The following MBD6 variants were observed in gnomAD, a reference collection of about 807,000 sequenced individuals.
The protein encoded by MBD6 is methyl-CpG binding domain protein 6.
In MBD6, 22 loss-of-function variants were observed where a neutral mutation model predicts 66.8. The ratio of observed to expected loss-of-function variants is 0.33; its 90% CI spans 0.24 to 0.47. MBD6 has a LOEUF of 0.47. Ranked by LOEUF, MBD6 falls within the 20% of genes least tolerant of loss-of-function variation. The pLI is 1.00. For missense variants in MBD6, 1,322 were observed against 1,286.9 expected (o/e 1.03, Z -0.42); for synonymous variants, 540 against 534.6 (o/e 1.01, Z -0.14).
At chr12:57,525,313 C>G in intron 5 of MBD6, 35 bp from the exon 6 acceptor site, 1 of 1,535,240 alleles carries the variant, frequency 6.5e-7, no homozygotes, top group Non-Finnish European at 8.7e-7. Context: ...GGAAGGGGAG[C>G]CACAGGCTGA....
Position 57,524,353 on chromosome 12 carries a change from T to G in MBD6, c.50T>G (p.Val17Gly). The G allele has an allele frequency of 6.3e-7, 1 of 1,596,118 alleles. No homozygotes were observed. Among genetic ancestry groups the G allele is most frequent in the Non-Finnish European group, 8.5e-7 (1 of 1,171,452 alleles). The change falls in exon 3 of 13, where the codon GTG becomes GGG. Residue 17 changes from valine (V) to glycine (G), a missense_variant. Coordinates refer to ENST00000355673, the MANE Select transcript of MBD6 (RefSeq NM_052897.4). ...GGAGCAGACAGAGCTGGGGGCCCTG[T>G]GGCCACATCTGTCCCCATCGGCTGG... is the stretch of plus-strand genomic sequence containing the variant. The part of the protein sequence containing the change: ...SSGADRAGGP[V>G]ATSVPIGWQR...
rs746902298 is a variant in MBD6, at chr12:57,527,840, C to T, written c.2237-8C>T. ...AGGGAGAGACCCCTGACTATAATTT[C>T]TCAACAGGTGACCTGTCTTCACTGA... On this transcript the variant is annotated splice_region_variant and splice_polypyrimidine_tract_variant and intron_variant, in intron 8 of 12. Transcript: ENST00000355673. 8.7e-6 allele frequency: 14 copies of T among 1,612,698 alleles called. No individual in the cohort carries two copies. Among genetic ancestry groups the T allele is most frequent in the Non-Finnish European group, 2.5e-6 (3 of 1,179,814 alleles).
At position 57,527,025 on chromosome 12, in the gene MBD6, C is replaced by T. The variant is rs1408088855; in HGVS notation, c.1880C>T (p.Pro627Leu). ...PPSNLLASFLPLLALGPTAGD... is the reference protein window; with the variant it reads ...PPSNLLASFLLLLALGPTAGD... ...AGCAACCTCCTTGCCTCTTTCCTGC[C>T]CCTGTTGGCTCTGGGCCCCACAGCT... is the stretch of plus-strand genomic sequence containing the variant. Residue 627 changes from proline (P) to leucine (L), a missense_variant, in exon 7 of 13, where the codon CCC becomes CTC. Physicochemically the swap from Pro to Leu is moderately conservative, Grantham distance 98. Coordinates refer to ENST00000355673, the MANE Select transcript of MBD6 (RefSeq NM_052897.4). 1 of 1,612,764 alleles carries T rather than the reference C, an allele frequency of 6.2e-7. No homozygotes were observed. The highest frequency in any genetic ancestry group is 8.5e-7 in the Non-Finnish European group (1 of 1,179,246).
At position 57,526,348 on chromosome 12, in the gene MBD6, C is replaced by T; in HGVS notation, c.1380C>T (p.Ser460=). 1 of 1,607,878 alleles carries T rather than the reference C, an allele frequency of 6.2e-7. No individual in the cohort carries two copies. The highest frequency in any genetic ancestry group is 8.5e-7 in the Non-Finnish European group (1 of 1,176,470). ...PPQPRHPIQP[S]LPGTTSGSLS... The stretch of plus-strand genomic sequence containing the variant: ...AGCCCAGGCACCCCATCCAGCCCTC[C>T]CTGCCTGGGACCACCAGTGGCAGCC... Residue 460 remains serine, a synonymous_variant, in exon 6 of 13, where the codon TCC becomes TCT. Coordinates refer to ENST00000355673, the MANE Select transcript of MBD6 (RefSeq NM_052897.4).
downstream of MBD6, chr12:57,530,915 C>T: frequency 1.4e-6 from 1 of 736,698 alleles, no homozygotes; most frequent in Non-Finnish European, 2.3e-6. Context: ...TTTATAGCAC[C>T]AATTTTCAAG....
At chr12:57,524,543 C>T in intron 3 of MBD6, 127 bp downstream of exon 3, 1 of 1,088,066 alleles carries the variant, frequency 9.2e-7, no homozygotes, top group Non-Finnish European at 1.4e-6. Context: ...CCTTCCTCAG[C>T]CTTTTTGCTT....
Position 57,527,081 on chromosome 12 carries a change from G to C in MBD6, c.1936G>C (p.Gly646Arg), listed in dbSNP as rs370000943. The C allele has an allele frequency of 3.1e-6, 5 of 1,600,720 alleles. No homozygotes were observed. The East Asian group carries it at 8.9e-5, about 29-fold the overall frequency. The change falls in exon 7 of 13, where the codon GGG (glycine) becomes CGG (arginine). Residue 646 changes from glycine (G) to arginine (R), a missense_variant. Transcript: ENST00000355673. ...TGGGGAGGGATCTGCAGAGGGAGCCGGGGGTCCAAGTGGGGAGCCATTTTC... is the reference window on the plus strand; with the variant it reads ...TGGGGAGGGATCTGCAGAGGGAGCCCGGGGTCCAAGTGGGGAGCCATTTTC... The part of the protein sequence containing the change: ...GDGEGSAEGA[G>R]GPSGEPFSGL...
At chr12:57,528,121 C>T (rs770514343) in intron 9 of MBD6, 26 bp from the exon 10 acceptor site, 10 of 1,563,758 alleles carry the variant, frequency 6.4e-6, no homozygotes, top group Non-Finnish European at 8.6e-6. Flanking sequence ...TTGAGATTGA[C>T]TGAGAACTTA....
At chr12:57,525,272 A>C in intron 5 of MBD6, 76 bp from the exon 6 acceptor site, 1 of 1,485,364 alleles carries the variant, frequency 6.7e-7, no homozygotes, top group Non-Finnish European at 9.1e-7. Flanking sequence ...AACTTGTGGG[A>C]GATGGGACTA....
intron 3 of MBD6, 60 bp from the exon 4 acceptor site, chr12:57,524,660 G>C: frequency 6.9e-7 from 1 of 1,456,926 alleles, no homozygotes; most frequent in South Asian, 1.1e-5. Context: ...CTGTGCTTTA[G>C]GAGTATTGCC....
At position 57,527,629 on chromosome 12, in the gene MBD6, CCTT is replaced by C. The variant is rs1436863033; in HGVS notation, c.2206_2208del (p.Leu736del). Reference sequence around the variant, plus strand: ...CCAACTCAGGGAGACCCCCCCAACTCCTTAGCCCTCTGCTGGGTGCCAGCCTGC... The same window carrying C: ...CCAACTCAGGGAGACCCCCCCAACTCAGCCCTCTGCTGGGTGCCAGCCTGC... On this transcript the variant is annotated inframe_deletion, in exon 8 of 13. Coordinates refer to ENST00000355673, the MANE Select transcript of MBD6 (RefSeq NM_052897.4). 2.5e-6 allele frequency: 4 copies of C among 1,609,148 alleles called. No individual in the cohort carries two copies. Among genetic ancestry groups the C allele is most frequent in the African/African-American group, 2.7e-5 (2 of 74,664 alleles).
Position 57,529,493 on chromosome 12 carries a change from T to C in MBD6, c.*259T>C. The C allele has an allele frequency of 2.6e-6, 1 of 387,524 alleles. No homozygotes were observed. The highest frequency in any genetic ancestry group is 4.9e-5 in the South Asian group (1 of 20,286). The allele number at this position is 387,524 out of a possible 1,614,324, so 24.0% of individuals were successfully genotyped here. The stretch of plus-strand genomic sequence containing the variant: ...CCTGGGGGGGATGGTATATGGCCCT[T>C]TCCCCACCAGGCGCTAAGGGGAACA... On this transcript the variant is annotated 3_prime_UTR_variant, in exon 13 of 13. Transcript: ENST00000355673.
rs941995568 is a variant in MBD6 at position 57,526,810 on chromosome 12, G to C, written c.1665G>C (p.Leu555Phe). ...TGGGGCAGCCTCCACCTTCTCCATTGCTCAACCACAGTTTATTTGGTGTGC... is the reference window on the plus strand; with the variant it reads ...TGGGGCAGCCTCCACCTTCTCCATTCCTCAACCACAGTTTATTTGGTGTGC... ...LSLGQPPPSP[L>F]LNHSLFGVLT... Residue 555 changes from leucine (L) to phenylalanine (F), a missense_variant, in exon 7 of 13, where the codon TTG (leucine) becomes TTC (phenylalanine). By Grantham distance (22) the Leu-to-Phe change is conservative. Transcript: ENST00000355673. The C allele has an allele frequency of 1.9e-6, 3 of 1,612,156 alleles. No individual in the cohort carries two copies. Among genetic ancestry groups the C allele is most frequent in the African/African-American group, 2.7e-5 (2 of 74,886 alleles).
At chr12:57,528,740 G>A (rs1301355782) in intron 11 of MBD6, 22 bp downstream of exon 11, 4 of 1,613,944 alleles carry the variant, frequency 2.5e-6, no homozygotes, top group Non-Finnish European at 3.4e-6. Flanking sequence ...GCCTACTATA[G>A]TGCTGGCCTT....
chr12:57,520,963 CT>C (rs1161616975), upstream of MBD6: 1 of 153,616 alleles, frequency 6.5e-6, no homozygotes, highest in Non-Finnish European at 1.4e-5. Flanking sequence ...TTGGTCGCCC[CT>C]AGTCGGTCGT....
chr12:57,530,653 T>C (rs747974907), downstream of MBD6: 34 of 1,559,036 alleles, frequency 2.2e-5, no homozygotes, highest in Non-Finnish European at 3.0e-5. Flanking sequence ...TTCACAGGGG[T>C]AGGGATAACC....
At chr12:57,530,911 G>A (rs1479829782), downstream of MBD6, 8 of 760,194 alleles carry the variant, frequency 1.1e-5, no homozygotes, top group African/African-American at 1.4e-4. Flanking sequence ...GATGTTTATA[G>A]CACCAATTTT....
rs1878675821 is a variant in MBD6, at chr12:57,524,316, A to T, written c.13A>T (p.Asn5Tyr). The T allele has an allele frequency of 8.3e-6, 13 of 1,564,908 alleles. No homozygotes were observed. The highest frequency in any genetic ancestry group is 1.1e-5 in the Non-Finnish European group (13 of 1,158,944). Residue 5 changes from asparagine to tyrosine, a missense_variant, in exon 3 of 13, where the codon AAT (asparagine) becomes TAT (tyrosine). Asn to Tyr is a moderately radical substitution (Grantham distance 143). Coordinates refer to ENST00000355673, the MANE Select transcript of MBD6 (RefSeq NM_052897.4). ...CTGATTACACACAATGAATGGGGGC[A>T]ATGAGAGCAGTGGAGCAGACAGAGC... MNGG[N>Y]ESSGADRAGG...
Position 57,526,278 on chromosome 12 carries a change from C to T in MBD6, c.1310C>T (p.Ala437Val). 1 of 1,613,854 alleles carries T rather than the reference C, an allele frequency of 6.2e-7. No homozygotes were observed. The highest frequency in any genetic ancestry group is 8.5e-7 in the Non-Finnish European group (1 of 1,179,960). Residue 437 changes from alanine to valine, a missense_variant, in exon 6 of 13, where the codon GCA becomes GTA. Coordinates refer to ENST00000355673, the MANE Select transcript of MBD6 (RefSeq NM_052897.4). Reference sequence around the variant, plus strand: ...AGCTTTAACCTTTTGGGGTCAGATGCACACCTTCCTCCTCCCCCAACCCTC... The same window carrying T: ...AGCTTTAACCTTTTGGGGTCAGATGTACACCTTCCTCCTCCCCCAACCCTC... ...DGSFNLLGSD[A>V]HLPPPPTLSS...
Sources: gnomAD v4.1 joint callset for allele counts on GRCh38, gnomAD v4.1.1 for gene constraint, MANE v1.5 for transcripts, NCBI Gene and HGNC (gene_info 2026-07-23, HGNC 2026-07-21) for gene names.